The following IL32 variants were observed in gnomAD, a reference collection of about 807,000 sequenced individuals.
The protein encoded by IL32 is interleukin-32.
IL32 carries 30 observed loss-of-function variants against 16.6 expected under a neutral mutation model. The observed-to-expected ratio is 1.81, with a 90% CI of 1.35 to 2.45. IL32 has a LOEUF of 2.45. Among genes scored for constraint, IL32 ranks in the 30% most tolerant of loss-of-function variants. The probability of loss-of-function intolerance (pLI) is 0.00; values close to 1 mark genes in which losing one functional copy is unlikely to be tolerated. For missense variants in IL32, 234 were observed against 229.8 expected (o/e 1.02, Z -0.12); for synonymous variants, 70 against 86.1 (o/e 0.81, Z 1.03).
intron 5 of IL32, 53 bp from the exon 6 acceptor site, chr16:3,068,127 G>A: frequency 1.2e-6 from 2 of 1,603,650 alleles, no homozygotes; most frequent in Non-Finnish European, 1.7e-6. Context: ...GGGCCACAGT[G>A]GGAAGGGGGC....
At chr16:3,068,656 C>G (rs867739044) in intron 6 of IL32, 1 of 430,864 alleles carries the variant, frequency 2.3e-6, no homozygotes, top group African/African-American at 2.0e-5. Flanking sequence ...TGTGCCCAGC[C>G]CCTGAGCTTG....
rs1956230551 is a variant in IL32 at position 3,065,650 on chromosome 16, C to G, written c.-66C>G. On this transcript the variant is annotated 5_prime_UTR_variant, in exon 1 of 7. Coordinates refer to ENST00000525643, the MANE Select transcript of IL32 (RefSeq NM_001376923.1). ...GTATTTGTGCCAGGAAGACTGCGTG[C>G]AGAAGGTGACTGTCTCAGTGGAGCT... 1 of 760,932 alleles carries G rather than the reference C, an allele frequency of 1.3e-6. No homozygotes were observed. Among genetic ancestry groups the G allele is most frequent in the Admixed American group, 1.9e-5 (1 of 52,910 alleles). The allele number at this position is 760,932 out of a possible 1,614,324, so 47.1% of individuals were successfully genotyped here. A position where few individuals can be genotyped will look rare whatever the true frequency, so the allele number is the denominator to read the frequency against.
At chr16:3,067,930 A>T in intron 4 of IL32, 54 bp from the exon 5 acceptor site, 1 of 1,602,630 alleles carries the variant, frequency 6.2e-7, no homozygotes, top group Non-Finnish European at 8.5e-7. Context: ...GGACTGACTG[A>T]TGTGGGGTGC....
In IL32 at chr16:3,065,734, G is replaced by C. The variant is rs575128686; in HGVS notation, c.-29+47G>C. 6 of 1,567,526 alleles carry C rather than the reference G, an allele frequency of 3.8e-6. No homozygotes were observed. The East Asian group carries it at 1.3e-4, about 35-fold the overall frequency. On this transcript the variant is annotated intron_variant, in intron 1 of 6. Transcript: ENST00000525643. ...AGGTGAGGACCCTCTGGGGAGGAGG[G>C]TGCTTCTCTGAGACACTTTCTTTTC...
intron 2 of IL32, 25 bp from the exon 3 acceptor site, chr16:3,067,352 C>CAG: frequency 1.4e-6 from 2 of 1,411,220 alleles, no homozygotes; most frequent in Admixed American, 4.3e-5. Context: ...CACATGGAGA[C>CAG]TGAGTGTCAC....
At position 3,068,223 on chromosome 16, in the gene IL32, A is replaced by C. The variant is rs1177739539; in HGVS notation, c.185A>C (p.Tyr62Ser). Residue 62 changes from tyrosine to serine, a missense_variant, in exon 6 of 7, where the codon TAT (tyrosine) becomes TCT (serine). Coordinates refer to ENST00000525643, the MANE Select transcript of IL32 (RefSeq NM_001376923.1). ...EGYLETVAAY[Y>S]EEQHPELTPL... Reference sequence around the variant, plus strand: ...TACCTGGAGACAGTGGCGGCTTATTATGAGGAGCAGCACCCAGTGAGTATG... The same window carrying C: ...TACCTGGAGACAGTGGCGGCTTATTCTGAGGAGCAGCACCCAGTGAGTATG... 2 of 1,598,812 alleles carry C rather than the reference A, an allele frequency of 1.3e-6. No homozygotes were observed. Among genetic ancestry groups the C allele is most frequent in the South Asian group, 1.1e-5 (1 of 88,812 alleles).
At chr16:3,066,617 T>C (rs1341855702) in intron 2 of IL32, among the ~76,000 whole-genome samples, 1 of 152,028 alleles carries the variant, frequency 6.6e-6, no homozygotes, top group African/African-American at 2.4e-5. Flanking sequence ...TGCAGCCACG[T>C]GTCTGCAGGC....
intron 4 of IL32, 183 bp from the exon 5 acceptor site, chr16:3,067,801 G>A: frequency 1.2e-6 from 1 of 823,422 alleles, no homozygotes; most frequent in Non-Finnish European, 2.0e-6. Context: ...CGGGGAGACT[G>A]AGGGAGGCAT....
chr16:3,067,817 C>T (rs972460718), intron 4 of IL32, 167 bp from the exon 5 acceptor site: 10 of 876,756 alleles, frequency 1.1e-5, no homozygotes, highest in Non-Finnish European at 1.7e-5. Flanking sequence ...GGCATCCAAG[C>T]CCCAGGGCTC....
At chr16:3,067,016 AGGAGGGGTCACCTAGGCCCACGCAGGC>A (rs1956403401) in intron 2 of IL32, among the ~76,000 whole-genome samples, 3 of 58,248 alleles carry the variant, frequency 5.2e-5, no homozygotes, top group Non-Finnish European at 1.1e-4. Context: ...TGCTCTTGTG[AGGAGGGGTCACCTAGGCCCACGCAGGC>A]CCTGCTCTTG....
At position 3,065,809 on chromosome 16, in the gene IL32, G is replaced by T. The variant is rs200892861; in HGVS notation, c.-3G>T. 2 of 1,614,116 alleles carry T rather than the reference G, an allele frequency of 1.2e-6. No individual in the cohort carries two copies. Among genetic ancestry groups the T allele is most frequent in the Non-Finnish European group, 8.5e-7 (1 of 1,180,016 alleles). Reference sequence around the variant, plus strand: ...GCCTTGGCTCCTTGAACTTTTGGCCGCCATGTGCTTCCCGAAGGTGAGTGA... The same window carrying T: ...GCCTTGGCTCCTTGAACTTTTGGCCTCCATGTGCTTCCCGAAGGTGAGTGA... On this transcript the variant is annotated 5_prime_UTR_variant, in exon 2 of 7. Transcript: ENST00000525643.
chr16:3,065,507 C>T (rs767017240), upstream of IL32: 13 of 532,692 alleles, frequency 2.4e-5, no homozygotes, highest in Non-Finnish European at 4.4e-5. Context: ...AAGTCTCCAT[C>T]TCTGTCTGTC....
chr16:3,067,806 AG>A, intron 4 of IL32, 177 bp from the exon 5 acceptor site: 1 of 824,078 alleles, frequency 1.2e-6, no homozygotes, highest in East Asian at 2.6e-5. Flanking sequence ...AGACTGAGGG[AG>A]GCATCCAAGC....
chr16:3,065,921 C>T, intron 2 of IL32, 95 bp downstream of exon 2: 1 of 1,463,778 alleles, frequency 6.8e-7, no homozygotes, highest in Non-Finnish European at 9.6e-7. Flanking sequence ...GCCTGTGTGT[C>T]AGGGCTCAGT....
chr16:3,068,758 C>G, intron 6 of IL32: 1 of 632,838 alleles, frequency 1.6e-6, no homozygotes, highest in Non-Finnish European at 2.7e-6. Context: ...CGATGAGGGC[C>G]CTGACCTGGT....
At chr16:3,066,442 G>A (rs2151180951) in intron 2 of IL32, among the ~76,000 whole-genome samples, 1 of 152,348 alleles carries the variant, frequency 6.6e-6, no homozygotes, top group East Asian at 1.9e-4. Flanking sequence ...GCCTGAAAGT[G>A]TGCAGACAGC....
intron 2 of IL32, among the ~76,000 whole-genome samples, chr16:3,066,401 G>A (rs1009148522): frequency 2.0e-5 from 3 of 152,244 alleles, no homozygotes; most frequent in African/African-American, 7.2e-5. Flanking sequence ...TGGTTCCTGG[G>A]AAATCAGGCT....
chr16:3,066,051 T>C (rs960468983), intron 2 of IL32, among the ~76,000 whole-genome samples: 2 of 151,928 alleles, frequency 1.3e-5, no homozygotes, highest in African/African-American at 4.8e-5. Flanking sequence ...GGAGCACCTG[T>C]CCCAGGAGCC....
At position 3,069,465 on chromosome 16, in the gene IL32, G is replaced by A. The variant is rs375758526; in HGVS notation, c.*110G>A. Reference sequence around the variant, plus strand: ...CGCACACTCAGTCCCCCTGCCTGGCGTTCCTGCCGCAGCTCTGACCTGGTG... The same window carrying A: ...CGCACACTCAGTCCCCCTGCCTGGCATTCCTGCCGCAGCTCTGACCTGGTG... On this transcript the variant is annotated 3_prime_UTR_variant, in exon 7 of 7. Transcript: ENST00000525643. 4,589 of 1,207,158 alleles carry A rather than the reference G, an allele frequency of 3.8e-3. 86 individuals carry two copies. In the African/African-American group the frequency reaches 0.05, roughly 13 times the overall value. The allele number at this position is 1,207,158 out of a possible 1,614,324, so 74.8% of individuals were successfully genotyped here.
Sources: allele counts gnomAD v4.1 joint callset (sites outside exome capture counted in the v4.1 genomes callset), GRCh38; gene constraint gnomAD v4.1.1; transcripts MANE v1.5; gene names NCBI Gene and HGNC (gene_info 2026-07-23, HGNC 2026-07-21).